C21orf58: variants seen among roughly 807,000 people sequenced by gnomAD.
The protein encoded by C21orf58 is chromosome 21 open reading frame 58.
In C21orf58, 34 loss-of-function variants were observed where a neutral mutation model predicts 35.8. The observed-to-expected ratio is 0.95, with a 90% CI of 0.72 to 1.26. The LOEUF (loss-of-function observed/expected upper bound fraction) is 1.26, where lower values mean the gene tolerates loss of function less well. Ranked by LOEUF, C21orf58 falls within the 50% of genes most tolerant of loss-of-function variation. The pLI is 0.00. For synonymous variants in C21orf58, 191 were observed against 175.8 expected, an observed-to-expected ratio of 1.09 and a Z score of -0.68; for missense variants, 440 against 414.3, an observed-to-expected ratio of 1.06 and a Z score of -0.54.
chr21:46,309,349 C>G (rs2082564771), intron 6 of C21orf58, among the ~76,000 whole-genome samples: 1 of 151,606 alleles, frequency 6.6e-6, no homozygotes, highest in South Asian at 2.1e-4. Flanking sequence ...GTAATCCCAG[C>G]TACTTGGGAG....
chr21:46,314,603 T>G, intron 5 of C21orf58, 113 bp downstream of exon 5: 2 of 817,966 alleles, frequency 2.4e-6, no homozygotes, highest in Non-Finnish European at 3.8e-6. Flanking sequence ...CTTGGGAGGA[T>G]GGGGGTGACG....
In C21orf58 at chr21:46,317,215, G is replaced by C; in HGVS notation, c.363C>G (p.Leu121=). 1.9e-6 allele frequency: 3 copies of C among 1,610,778 alleles called. No individual in the cohort carries two copies. The highest frequency in any genetic ancestry group is 2.7e-5 in the African/African-American group (2 of 74,994). Residue 121 remains leucine, a synonymous_variant, in exon 3 of 8, where the codon CTC becomes CTG. Coordinates refer to ENST00000291691, the MANE Select transcript of C21orf58 (RefSeq NM_058180.5). ...CAGCCCAGGGGCTCTCACCTGGCTCGAGGTGGAGGCCCTCAGGTCCCCCTT... is the reference window on the plus strand; with the variant it reads ...CAGCCCAGGGGCTCTCACCTGGCTCCAGGTGGAGGCCCTCAGGTCCCCCTT... The part of the protein sequence containing the change: ...NVEGGPEGLH[L]EPGNEDRPDD...
chr21:46,301,438 A>C lies in C21orf58; in HGVS notation c.*561T>G. 1.0e-6 allele frequency: 1 copy of C among 975,306 alleles called. No homozygotes were observed. Among genetic ancestry groups the C allele is most frequent in the African/African-American group, 1.8e-5 (1 of 56,854 alleles). 60.4% of individuals were successfully genotyped at this position (975,306 alleles called of 1,614,324 possible). A position where few individuals can be genotyped will look rare whatever the true frequency, so the allele number is the denominator to read the frequency against. On this transcript the variant is annotated 3_prime_UTR_variant, in exon 8 of 8. Coordinates refer to ENST00000291691, the MANE Select transcript of C21orf58 (RefSeq NM_058180.5). The stretch of plus-strand genomic sequence containing the variant: ...CTGGGATTACAGGCATGAGCCATGC[A>C]CCCCTACTTCTTTAGTGGGAGTCTG...
chr21:46,319,659 G>C (rs1421972260), intron 1 of C21orf58, among the ~76,000 whole-genome samples: 3 of 152,160 alleles, frequency 2.0e-5, no homozygotes, highest in Admixed American at 1.3e-4. Context: ...AGCACTTAGG[G>C]AGGCTGAGGC....
Position 46,302,120 on chromosome 21 carries a change from G to A in C21orf58, c.848C>T (p.Ala283Val). Residue 283 changes from alanine (A) to valine (V), a missense_variant, in exon 8 of 8, where the codon GCT (alanine) becomes GTT (valine). Transcript: ENST00000291691. ...PPHVPPRVPRAARPRLPAVHH... is the reference protein window; with the variant it reads ...PPHVPPRVPRVARPRLPAVHH... ...CACGGCAGGCAGCCTTGGCCTGGCAGCTCGTGGGACCCTCGGGGGCACATG... is the reference window on the plus strand; with the variant it reads ...CACGGCAGGCAGCCTTGGCCTGGCAACTCGTGGGACCCTCGGGGGCACATG... 2.6e-6 allele frequency: 4 copies of A among 1,522,784 alleles called. No individual in the cohort carries two copies. Among genetic ancestry groups the A allele is most frequent in the Non-Finnish European group, 3.5e-6 (4 of 1,134,866 alleles). 94.3% of individuals were successfully genotyped at this position (1,522,784 alleles called of 1,614,324 possible). A position where few individuals can be genotyped will look rare whatever the true frequency, so the allele number is the denominator to read the frequency against.
chr21:46,310,279 C>T (rs921093963), intron 6 of C21orf58, among the ~76,000 whole-genome samples: 1 of 151,948 alleles, frequency 6.6e-6, no homozygotes, highest in Non-Finnish European at 1.5e-5. Context: ...GAGTTCGAGA[C>T]CAGCCTGGCC....
intron 6 of C21orf58, among the ~76,000 whole-genome samples, chr21:46,305,327 C>CT (rs35138310): frequency 0.14 from 14,869 of 109,218 alleles, 1,510 homozygotes; most frequent in Non-Finnish European, 0.18. Flanking sequence ...ACAAATTAAT[C>CT]TTTTTTTTTT....
At chr21:46,308,082 C>G (rs1030213422) in intron 6 of C21orf58, among the ~76,000 whole-genome samples, 1 of 152,010 alleles carries the variant, frequency 6.6e-6, no homozygotes, top group African/African-American at 2.4e-5. Context: ...CAGCCTCCAC[C>G]TCCTGGGTTC....
chr21:46,310,496 AT>A (rs1406536141), intron 6 of C21orf58, among the ~76,000 whole-genome samples: 6,483 of 147,904 alleles, frequency 0.044, 510 homozygotes, highest in African/African-American at 0.15. Context: ...AAAAATAAAA[AT>A]AAAAAAAAAA....
rs1022509562 is a variant in C21orf58, at chr21:46,308,190, C to T, written c.721+3266G>A. Among the ~76,000 whole-genome samples, 10 of 152,052 alleles carry T rather than the reference C, an allele frequency of 6.6e-5. No individual in the cohort carries two copies. The South Asian group carries it at 1.2e-3, about 19-fold the overall frequency. On this transcript the variant is annotated intron_variant, in intron 6 of 7. Transcript: ENST00000291691. ...CTTTTAAGAAACTGCTGCCCAGGCG[C>T]GGTGGCTCACGCCCATAATCCCAGC...
At chr21:46,317,764 C>T (rs1196808571) in intron 2 of C21orf58, among the ~76,000 whole-genome samples, 1 of 152,232 alleles carries the variant, frequency 6.6e-6, no homozygotes, top group Non-Finnish European at 1.5e-5. Flanking sequence ...TGCAGAGGTG[C>T]CCCCAGGCAC....
intron 5 of C21orf58, 184 bp from the exon 6 acceptor site, chr21:46,311,751 TCATCCATCCACC>T (rs1395478870): frequency 1.6e-4 from 47 of 292,960 alleles, no homozygotes; most frequent in Non-Finnish European, 2.4e-4. Flanking sequence ...ATCCACCCAC[TCATCCATCCACC>T]CATCCATCCA....
At chr21:46,318,982 G>T in intron 1 of C21orf58, 1 of 396,456 alleles carries the variant, frequency 2.5e-6, no homozygotes, top group Non-Finnish European at 3.4e-6. Flanking sequence ...GAGGGGCAGA[G>T]GTCAGCACCC....
intron 1 of C21orf58, chr21:46,320,585 G>C (rs1005472889): frequency 6.8e-6 from 1 of 147,540 alleles, no homozygotes; most frequent in Non-Finnish European, 1.5e-5. Flanking sequence ...AGTAGATACT[G>C]CACCCACCCA....
Position 46,316,275 on chromosome 21 carries a change from G to C in C21orf58, c.371-728C>G, listed in dbSNP as rs2082975311. ...GTTTGAGACGAGCCTGGCGAACATG[G>C]CAAAACCCCTTCTCTACTAAAAATA... On this transcript the variant is annotated intron_variant, in intron 3 of 7. Transcript: ENST00000291691. 2.0e-5 allele frequency among the ~76,000 whole-genome samples: 3 copies of C among 152,066 alleles called. No individual in the cohort carries two copies. In the South Asian group the frequency reaches 6.2e-4, roughly 31 times the overall value.
chr21:46,313,750 G>A (rs956923239), intron 5 of C21orf58, among the ~76,000 whole-genome samples: 2 of 152,134 alleles, frequency 1.3e-5, no homozygotes, highest in African/African-American at 2.4e-5. Flanking sequence ...CAGGTCCTTC[G>A]GAGGCTCCCC....
Position 46,322,721 on chromosome 21 carries a change from G to A in C21orf58, c.18C>T (p.Leu6=), listed in dbSNP as rs756513414. 1 of 1,549,440 alleles carries A rather than the reference G, an allele frequency of 6.5e-7. No individual in the cohort carries two copies. Among genetic ancestry groups the A allele is most frequent in the Non-Finnish European group, 8.7e-7 (1 of 1,146,800 alleles). Residue 6 remains leucine, a synonymous_variant, in exon 1 of 8, where the codon CTC becomes CTT. Transcript: ENST00000291691. The part of the protein sequence containing the change: MARSR[L]PATSLRKPWK... The stretch of plus-strand genomic sequence containing the variant: ...ACGGCTTCCTGAGGGAGGTTGCAGG[G>A]AGCCGAGATCGCGCCATTGCGCTAT...
rs976160702 is a variant in C21orf58 at position 46,301,634 on chromosome 21, G to A, written c.*365C>T. On this transcript the variant is annotated 3_prime_UTR_variant, in exon 8 of 8. Coordinates refer to ENST00000291691, the MANE Select transcript of C21orf58 (RefSeq NM_058180.5). ...CTGGATGAAATCTTTATTTCATCAG[G>A]CTGGTGGCGTCCACGGCCTCAACTT... The A allele has an allele frequency of 1.3e-5, 14 of 1,067,156 alleles. No individual in the cohort carries two copies. The African/African-American group carries it at 2.2e-4, about 16-fold the overall frequency. The allele number at this position is 1,067,156 out of a possible 1,614,324, so 66.1% of individuals were successfully genotyped here.
intron 6 of C21orf58, among the ~76,000 whole-genome samples, chr21:46,304,188 G>A (rs1204076970): frequency 2.7e-5 from 4 of 149,918 alleles, no homozygotes; most frequent in East Asian, 2.0e-4. Flanking sequence ...CACCACGCCC[G>A]GCTAATTTTG....
Sources: gnomAD v4.1 joint callset for allele counts (sites outside exome capture counted in the v4.1 genomes callset) on GRCh38, gnomAD v4.1.1 for gene constraint, MANE v1.5 for transcripts, NCBI Gene and HGNC (gene_info 2026-07-23, HGNC 2026-07-21) for gene names.